Variants in CCSER1 observed in about 807,000 individuals in gnomAD.
CCSER1 encodes the protein serine-rich coiled-coil domain-containing protein 1.
CCSER1 carries 41 observed loss-of-function variants against 82.0 expected under a neutral mutation model. That is an observed-to-expected ratio of 0.50 (90% CI 0.39 to 0.65). The LOEUF (loss-of-function observed/expected upper bound fraction) is 0.65, where lower values mean the gene tolerates loss of function less well. CCSER1 is among the 30% of genes least tolerant of loss of function. CCSER1 has a pLI of 0.00. For missense variants in CCSER1, 1,119 were observed against 1,064.2 expected (o/e 1.05, Z -0.72); for synonymous variants, 414 against 383.9 (o/e 1.08, Z -0.92).
At chr4:90,552,384 G>A (rs1026667705) in intron 5 of CCSER1, among the ~76,000 whole-genome samples, 3 of 152,164 alleles carry the variant, frequency 2.0e-5, no homozygotes, top group Non-Finnish European at 2.9e-5. Context: ...ATATTAGATT[G>A]TAGAAATATG....
chr4:91,103,837 G>T (rs547230589), intron 10 of CCSER1, among the ~76,000 whole-genome samples: 8 of 152,048 alleles, frequency 5.3e-5, no homozygotes, highest in Admixed American at 6.6e-5. Context: ...CAACCATAAG[G>T]TGTGACTGCC....
chr4:90,630,253 A>T (rs756633016), intron 6 of CCSER1, among the ~76,000 whole-genome samples: 16 of 152,006 alleles, frequency 1.1e-4, no homozygotes, highest in Non-Finnish European at 1.6e-4. Flanking sequence ...ACTTAGTAAC[A>T]GCTGTTATAT....
At chr4:91,080,506 A>G (rs1722588728) in intron 9 of CCSER1, among the ~76,000 whole-genome samples, 1 of 152,208 alleles carries the variant, frequency 6.6e-6, no homozygotes, top group African/African-American at 2.4e-5. Context: ...CAATTAAAAG[A>G]ACTAGAAAGC....
intron 9 of CCSER1, among the ~76,000 whole-genome samples, chr4:90,973,720 G>A (rs1735337832): frequency 6.6e-6 from 1 of 151,610 alleles, no homozygotes; most frequent in South Asian, 2.1e-4. Context: ...CATATTCATT[G>A]CAGCATTATT....
intron 6 of CCSER1, among the ~76,000 whole-genome samples, chr4:90,702,183 AG>A (rs1352056320): frequency 1.3e-5 from 2 of 152,144 alleles, no homozygotes; most frequent in African/African-American, 4.8e-5. Flanking sequence ...TTTAGCATGA[AG>A]GGCTGTTGAA....
At chr4:91,490,219 A>G (rs1340651144) in intron 10 of CCSER1, among the ~76,000 whole-genome samples, 1 of 152,174 alleles carries the variant, frequency 6.6e-6, no homozygotes, top group African/African-American at 2.4e-5. Context: ...GTAACATATG[A>G]TCTAGCAATC....
chr4:90,461,134 C>T lies in CCSER1; in HGVS notation c.1604-7100C>T, dbSNP rs537667202. On this transcript the variant is annotated intron_variant, in intron 4 of 10. Transcript: ENST00000509176. ...AGGCTGGAGTGCAGTGGCGGGATCT[C>T]GGCTCACTGCAAGCTCCGCCTCCCG... is the stretch of plus-strand genomic sequence containing the variant. Among the ~76,000 whole-genome samples the T allele has an allele frequency of 3.2e-3, 315 of 98,434 alleles. 20 individuals carry two copies. The highest frequency in any genetic ancestry group is 4.3e-3 in the Non-Finnish European group (237 of 54,604). The allele number at this position is 98,434 out of a possible 152,430, so 64.6% of individuals were successfully genotyped here. A position where few individuals can be genotyped will look rare whatever the true frequency, so the allele number is the denominator to read the frequency against.
chr4:90,181,138 A>T (rs1049472513), intron 1 of CCSER1, among the ~76,000 whole-genome samples: 1 of 152,136 alleles, frequency 6.6e-6, no homozygotes, highest in African/African-American at 2.4e-5. Context: ...TTACAAAATG[A>T]TCTGTACACC....
At chr4:90,848,863 A>T (rs1478775975) in intron 8 of CCSER1, among the ~76,000 whole-genome samples, 2 of 152,224 alleles carry the variant, frequency 1.3e-5, no homozygotes, top group African/African-American at 4.8e-5. Flanking sequence ...GTATACTTAC[A>T]TATATCATTT....
chr4:90,670,934 T>C (rs1474423628), intron 6 of CCSER1, among the ~76,000 whole-genome samples: 1 of 152,074 alleles, frequency 6.6e-6, no homozygotes, highest in Non-Finnish European at 1.5e-5. Context: ...AAAGCAAATA[T>C]CTTAATAAAG....
chr4:91,226,376 T>A (rs985974681), intron 10 of CCSER1, among the ~76,000 whole-genome samples: 3 of 151,928 alleles, frequency 2.0e-5, no homozygotes, highest in African/African-American at 7.2e-5. Context: ...CTATGATAAA[T>A]CATTGGAATT....
intron 3 of CCSER1, among the ~76,000 whole-genome samples, chr4:90,382,374 T>A (rs2153532444): frequency 6.6e-6 from 1 of 152,222 alleles, no homozygotes; most frequent in South Asian, 2.1e-4. Flanking sequence ...TTTAAACTAA[T>A]CCTTCAAAGA....
At chr4:90,473,838 ATATT>A (rs1764721626) in intron 5 of CCSER1, among the ~76,000 whole-genome samples, 1 of 152,242 alleles carries the variant, frequency 6.6e-6, no homozygotes, top group African/African-American at 2.4e-5. Context: ...TCAGGAGAAC[ATATT>A]TATTTATGCT....
intron 10 of CCSER1, among the ~76,000 whole-genome samples, chr4:91,499,020 A>G (rs6838229): frequency 0.62 from 94,786 of 151,674 alleles, 30,973 homozygotes; most frequent in Non-Finnish European, 0.74. Context: ...AACAATGCCA[A>G]GATAACATCC....
At chr4:90,628,607 T>G (rs1371246032) in intron 6 of CCSER1, among the ~76,000 whole-genome samples, 1 of 152,190 alleles carries the variant, frequency 6.6e-6, no homozygotes, top group Non-Finnish European at 1.5e-5. Context: ...TTTGTTTATA[T>G]GATACCATAA....
At chr4:90,576,754 TTATCAATTCACC>T (rs1780820424) in intron 5 of CCSER1, among the ~76,000 whole-genome samples, 1 of 152,194 alleles carries the variant, frequency 6.6e-6, no homozygotes, top group African/African-American at 2.4e-5. Flanking sequence ...TACAGTTGAT[TTATCAATTCACC>T]TACGAGAATT....
At chr4:91,446,207 A>T (rs978515524) in intron 10 of CCSER1, among the ~76,000 whole-genome samples, 4 of 49,202 alleles carry the variant, frequency 8.1e-5, no homozygotes, top group African/African-American at 4.6e-4. Flanking sequence ...TTTATTCCTC[A>T]TACTTTTTTG....
chr4:90,382,055 T>G (rs1374410212), intron 3 of CCSER1, among the ~76,000 whole-genome samples: 1 of 152,074 alleles, frequency 6.6e-6, no homozygotes, highest in African/African-American at 2.4e-5. Flanking sequence ...GAAACAATAT[T>G]TCAATTTTGT....
intron 1 of CCSER1, among the ~76,000 whole-genome samples, chr4:90,267,542 C>G (rs1158982412): frequency 2.0e-5 from 3 of 152,138 alleles, no homozygotes; most frequent in African/African-American, 7.2e-5. Flanking sequence ...AGACCCAGTG[C>G]TATTCTGGCT....
Sources: allele counts gnomAD v4.1 joint callset (sites outside exome capture counted in the v4.1 genomes callset), GRCh38; gene constraint gnomAD v4.1.1; transcripts MANE v1.5; gene names NCBI Gene and HGNC (gene_info 2026-07-23, HGNC 2026-07-21).